The following MARCHF1 variants were observed in gnomAD, a reference collection of about 807,000 sequenced individuals.
MARCHF1 encodes membrane associated ring-CH-type finger 1, also known as E3 ubiquitin-protein ligase MARCHF1.
In MARCHF1, 40 loss-of-function variants were observed where a neutral mutation model predicts 54.2. The ratio of observed to expected loss-of-function variants is 0.74; its 90% CI spans 0.57 to 0.96. The LOEUF (loss-of-function observed/expected upper bound fraction) is 0.96. Among genes scored for constraint, MARCHF1 ranks in the 40% least tolerant of loss-of-function variants. MARCHF1 has a pLI of 0.00. For missense variants in MARCHF1, 586 were observed against 656.5 expected, an observed-to-expected ratio of 0.89 and a Z score of 1.17; for synonymous variants, 236 against 236.3, an observed-to-expected ratio of 1.00 and a Z score of 0.01.
intron 5 of MARCHF1, among the ~76,000 whole-genome samples, chr4:163,669,631 C>T (rs888356286): frequency 2.7e-4 from 40 of 149,068 alleles, no homozygotes; most frequent in Admixed American, 2.7e-3. Flanking sequence ...TGGAGTCTCA[C>T]TCTGTTGCCC....
chr4:164,041,452 C>T (rs2111019836), intron 2 of MARCHF1, among the ~76,000 whole-genome samples: 1 of 152,192 alleles, frequency 6.6e-6, no homozygotes, highest in East Asian at 1.9e-4. Flanking sequence ...TTGATCCACC[C>T]AAAATACTAA....
intron 1 of MARCHF1, among the ~76,000 whole-genome samples, chr4:164,133,577 A>G (rs2110827196): frequency 6.6e-6 from 1 of 152,340 alleles, no homozygotes; most frequent in East Asian, 1.9e-4. Context: ...AATCTTGCCT[A>G]AAGAGAAATG....
chr4:163,911,959 C>T (rs1751198632), intron 3 of MARCHF1, among the ~76,000 whole-genome samples: 1 of 151,876 alleles, frequency 6.6e-6, no homozygotes, highest in Non-Finnish European at 1.5e-5. Flanking sequence ...AGCGCTAGTA[C>T]ATAAATAGAA....
intron 1 of MARCHF1, among the ~76,000 whole-genome samples, chr4:164,327,947 T>C (rs1431417606): frequency 1.3e-5 from 2 of 152,156 alleles, no homozygotes; most frequent in Non-Finnish European, 2.9e-5. Flanking sequence ...CAAGAAACCA[T>C]TTTTAGTATG....
intron 4 of MARCHF1, among the ~76,000 whole-genome samples, chr4:163,755,639 G>C (rs371216609): frequency 6.9e-6 from 1 of 145,790 alleles, no homozygotes; most frequent in African/African-American, 2.5e-5. Context: ...TTTTTTTCCT[G>C]AAGGAAAAAG....
intron 5 of MARCHF1, among the ~76,000 whole-genome samples, chr4:163,699,035 A>G (rs1166156198): frequency 6.6e-6 from 1 of 152,186 alleles, no homozygotes; most frequent in Non-Finnish European, 1.5e-5. Context: ...GGTAAAGTGA[A>G]CATCTCAGGG....
intron 1 of MARCHF1, among the ~76,000 whole-genome samples, chr4:164,258,633 G>A (rs186118930): frequency 1.3e-5 from 2 of 151,968 alleles, no homozygotes; most frequent in Non-Finnish European, 2.9e-5. Context: ...TCAAATAAAT[G>A]TACTTCAAGG....
rs763172261 is a variant in MARCHF1, at chr4:164,211,331, G to GTGTATATATATATATATATATA, written c.-322-99670_-322-99669insTATATATATATATATATATACA. Among the ~76,000 whole-genome samples, 16 of 115,980 alleles carry GTGTATATATATATATATATATA rather than the reference G, an allele frequency of 1.4e-4. No individual in the cohort carries two copies. The East Asian group carries it at 3.2e-3, about 23-fold the overall frequency. 76.1% of individuals were successfully genotyped at this position (115,980 alleles called of 152,430 possible). On this transcript the variant is annotated intron_variant, in intron 1 of 9. Transcript: ENST00000514618. ...AACCTGCATATGTGTATGTATGTAT[G>GTGTATATATATATATATATATA]TATATATATATATATATATATATAC...
intron 8 of MARCHF1, among the ~76,000 whole-genome samples, chr4:163,548,723 C>T (rs1446384648): frequency 6.6e-6 from 1 of 152,178 alleles, no homozygotes; most frequent in Non-Finnish European, 1.5e-5. Context: ...CAGTAAATGG[C>T]GCTGGCAGAA....
chr4:163,898,413 T>G (rs28834795), intron 3 of MARCHF1, among the ~76,000 whole-genome samples: 12,632 of 151,942 alleles, frequency 0.083, 1,124 homozygotes, highest in African/African-American at 0.21. Flanking sequence ...ATATGAGTAG[T>G]CAACAAGCCC....
intron 2 of MARCHF1, among the ~76,000 whole-genome samples, chr4:164,017,671 CAT>C (rs1329152381): frequency 6.6e-6 from 1 of 151,532 alleles, no homozygotes; most frequent in Non-Finnish European, 1.5e-5. Flanking sequence ...TAAATAAATA[CAT>C]ATATTATTGT....
chr4:164,264,706 G>A (rs1579673035), intron 1 of MARCHF1, among the ~76,000 whole-genome samples: 1 of 152,076 alleles, frequency 6.6e-6, no homozygotes, highest in East Asian at 1.9e-4. Flanking sequence ...GATCACCTAA[G>A]GTCAGGAGTC....
chr4:164,115,665 T>C (rs1755924707), intron 1 of MARCHF1, among the ~76,000 whole-genome samples: 1 of 140,472 alleles, frequency 7.1e-6, no homozygotes, highest in Non-Finnish European at 1.5e-5. Flanking sequence ...ATTCAAATTA[T>C]TTTGGATACA....
chr4:163,853,990 C>A, intron 4 of MARCHF1, 31 bp downstream of exon 4: 1 of 1,532,358 alleles, frequency 6.5e-7, no homozygotes, highest in Admixed American at 2.0e-5. Flanking sequence ...TACATATAAG[C>A]CAATTTGAGG....
intron 1 of MARCHF1, among the ~76,000 whole-genome samples, chr4:164,138,773 C>G (rs1275294403): frequency 6.6e-6 from 1 of 152,048 alleles, no homozygotes; most frequent in Non-Finnish European, 1.5e-5. Context: ...TAGCTCCTTG[C>G]TGGGAGAAGT....
At chr4:164,312,623 A>T (rs2111432364) in intron 1 of MARCHF1, among the ~76,000 whole-genome samples, 1 of 152,104 alleles carries the variant, frequency 6.6e-6, no homozygotes, top group South Asian at 2.1e-4. Flanking sequence ...ACCCGGCCGA[A>T]TTATTTTCTT....
At chr4:164,032,054 G>A (rs577310779) in intron 2 of MARCHF1, among the ~76,000 whole-genome samples, 2 of 152,234 alleles carry the variant, frequency 1.3e-5, no homozygotes, top group South Asian at 4.2e-4. Flanking sequence ...TCCTTGTTTA[G>A]TCTTGGGAGG....
At chr4:164,334,012 G>T (rs1158245700) in intron 1 of MARCHF1, among the ~76,000 whole-genome samples, 2 of 152,160 alleles carry the variant, frequency 1.3e-5, no homozygotes, top group Non-Finnish European at 2.9e-5. Flanking sequence ...ATTCATGAAG[G>T]TTGAGAAGCA....
At chr4:163,873,420 T>C (rs1750222239) in intron 3 of MARCHF1, among the ~76,000 whole-genome samples, 1 of 152,208 alleles carries the variant, frequency 6.6e-6, no homozygotes, top group Non-Finnish European at 1.5e-5. Context: ...TGGTTTCCCC[T>C]GCTGTTGCCT....
Sources: allele counts gnomAD v4.1 joint callset (sites outside exome capture counted in the v4.1 genomes callset), GRCh38; gene constraint gnomAD v4.1.1; transcripts MANE v1.5; gene names NCBI Gene and HGNC (gene_info 2026-07-23, HGNC 2026-07-21).